The following MAGI2 variants were observed in gnomAD, a reference collection of about 807,000 sequenced individuals.
MAGI2 encodes membrane associated guanylate kinase, WW and PDZ domain containing 2, also known as membrane-associated guanylate kinase, WW and PDZ domain-containing protein 2.
Under a neutral mutation model 133.3 loss-of-function variants are expected in MAGI2, and 35 were observed. The ratio of observed to expected loss-of-function variants is 0.26; its 90% CI spans 0.20 to 0.35. The LOEUF (loss-of-function observed/expected upper bound fraction) is 0.35, where lower values mean the gene tolerates loss of function less well. MAGI2 is among the 10% of genes least tolerant of loss of function. The pLI is 1.00. For missense variants in MAGI2, 1,636 were observed against 1,863.4 expected (o/e 0.88, Z 2.25); for synonymous variants, 729 against 710.6 (o/e 1.03, Z -0.41).
Position 78,160,167 on chromosome 7 carries a change from G to T in MAGI2, c.2703C>A (p.Pro901=). Residue 901 remains proline, a synonymous_variant, in exon 16 of 22, where the codon CCC becomes CCA. Coordinates refer to ENST00000354212, the MANE Select transcript of MAGI2 (RefSeq NM_012301.4). ...CTTCAGGGGGAGAGGCATTGCTACT[G>T]GGGGCAGCGTGGTTGCTGTTGGTGT... ...ATYTNSNHAA[P]SSNASPPEGF... The T allele has an allele frequency of 6.2e-7, 1 of 1,612,956 alleles. No homozygotes were observed. Among genetic ancestry groups the T allele is most frequent in the Non-Finnish European group, 8.5e-7 (1 of 1,179,464 alleles).
chr7:79,009,342 C>T (rs1584661570), intron 1 of MAGI2, among the ~76,000 whole-genome samples: 1 of 151,750 alleles, frequency 6.6e-6, no homozygotes, highest in East Asian at 1.9e-4. Flanking sequence ...CATAGAAGAA[C>T]TGTCGAAACT....
At chr7:78,892,062 A>G (rs1464844956) in intron 2 of MAGI2, among the ~76,000 whole-genome samples, 5 of 152,198 alleles carry the variant, frequency 3.3e-5, no homozygotes, top group Non-Finnish European at 7.4e-5. Context: ...TGCAAAAATC[A>G]CAAGCATTCT....
At chr7:78,104,239 A>C (rs1489807011) in intron 20 of MAGI2, among the ~76,000 whole-genome samples, 1 of 152,130 alleles carries the variant, frequency 6.6e-6, no homozygotes, top group African/African-American at 2.4e-5. Flanking sequence ...GGGCTGTTCA[A>C]CAAGATGGAG....
At chr7:79,026,308 C>G (rs540368701) in intron 1 of MAGI2, among the ~76,000 whole-genome samples, 1 of 152,204 alleles carries the variant, frequency 6.6e-6, no homozygotes, top group African/African-American at 2.4e-5. Flanking sequence ...CAGTCTTAAG[C>G]AACTTTGGCT....
intron 1 of MAGI2, among the ~76,000 whole-genome samples, chr7:79,230,039 G>A (rs861057): frequency 0.013 from 1,841 of 146,336 alleles, 41 homozygotes; most frequent in African/African-American, 0.044. Flanking sequence ...GAGAATATGC[G>A]GTGTTTGGTT....
intron 21 of MAGI2, among the ~76,000 whole-genome samples, chr7:78,037,481 A>C (rs947861436): frequency 1.3e-5 from 2 of 152,226 alleles, no homozygotes; most frequent in African/African-American, 4.8e-5. Context: ...GAACAGTCCC[A>C]GAATTCCTTC....
chr7:79,386,011 C>T (rs962287400), intron 1 of MAGI2, among the ~76,000 whole-genome samples: 16 of 151,988 alleles, frequency 1.1e-4, no homozygotes, highest in African/African-American at 3.9e-4. Context: ...AGATATCCTT[C>T]TCTGGAAAAG....
At chr7:78,728,789 T>C (rs1171052670) in intron 2 of MAGI2, among the ~76,000 whole-genome samples, 1 of 125,906 alleles carries the variant, frequency 7.9e-6, no homozygotes, top group Non-Finnish European at 1.7e-5. Flanking sequence ...ATGGTCTCGA[T>C]CTCCTGACCT....
chr7:78,236,265 G>A lies in MAGI2; in HGVS notation c.2047+19678C>T, dbSNP rs570275198. Among the ~76,000 whole-genome samples, 120 of 152,162 alleles carry A rather than the reference G, an allele frequency of 7.9e-4. 1 individual carries two copies. The highest frequency in any genetic ancestry group is 2.6e-3 in the African/African-American group (110 of 41,518). On this transcript the variant is annotated intron_variant, in intron 10 of 21. Transcript: ENST00000354212. ...GATAGACAAATTAAACAAAGACTTGGTACATGACCAAAGAGAATCGAATGA... is the reference window on the plus strand; with the variant it reads ...GATAGACAAATTAAACAAAGACTTGATACATGACCAAAGAGAATCGAATGA...
chr7:78,710,332 A>G (rs186533), intron 2 of MAGI2, among the ~76,000 whole-genome samples: 103,316 of 152,032 alleles, frequency 0.68, 35,247 homozygotes, highest in East Asian at 0.84. Context: ...ATTGAGTCCA[A>G]GTACCCTGGG....
chr7:78,637,311 T>G (rs755563562), intron 2 of MAGI2, among the ~76,000 whole-genome samples: 1 of 152,242 alleles, frequency 6.6e-6, no homozygotes, highest in African/African-American at 2.4e-5. Context: ...CTTATAAATA[T>G]CTTTATTATT....
chr7:78,500,565 G>C (rs1039169948), intron 5 of MAGI2, among the ~76,000 whole-genome samples: 1 of 152,112 alleles, frequency 6.6e-6, no homozygotes, highest in Non-Finnish European at 1.5e-5. Flanking sequence ...GAAAAGAAAA[G>C]CCTGACATTA....
intron 9 of MAGI2, among the ~76,000 whole-genome samples, chr7:78,301,377 G>T (rs1405694884): frequency 6.6e-6 from 1 of 152,096 alleles, no homozygotes; most frequent in East Asian, 1.9e-4. Context: ...TGACACAAAC[G>T]CTCTTAAGAC....
At chr7:78,611,914 C>G (rs567261854) in intron 3 of MAGI2, among the ~76,000 whole-genome samples, 1 of 152,306 alleles carries the variant, frequency 6.6e-6, no homozygotes, top group East Asian at 1.9e-4. Context: ...CTGGACCACT[C>G]CAACTACCCC....
intron 1 of MAGI2, among the ~76,000 whole-genome samples, chr7:79,426,399 A>G (rs1179363479): frequency 6.6e-6 from 1 of 152,132 alleles, no homozygotes; most frequent in Non-Finnish European, 1.5e-5. Flanking sequence ...GCATACAGAC[A>G]TATAAAAAAT....
chr7:79,314,155 G>A (rs1288607169), intron 1 of MAGI2, among the ~76,000 whole-genome samples: 2 of 152,128 alleles, frequency 1.3e-5, no homozygotes, highest in African/African-American at 4.8e-5. Context: ...TATATTTTTA[G>A]TAGAGACGGG....
intron 15 of MAGI2, among the ~76,000 whole-genome samples, chr7:78,166,054 T>C (rs534831981): frequency 3.1e-4 from 47 of 152,316 alleles, no homozygotes; most frequent in Admixed American, 1.2e-3. Context: ...AAAAATTAAA[T>C]GCACTTGAAA....
intron 6 of MAGI2, among the ~76,000 whole-genome samples, chr7:78,410,066 C>T (rs565059991): frequency 2.0e-5 from 3 of 151,998 alleles, no homozygotes; most frequent in East Asian, 1.9e-4. Flanking sequence ...TGGTCTCAGT[C>T]CACGACCCCC....
intron 2 of MAGI2, among the ~76,000 whole-genome samples, chr7:78,981,743 G>A (rs1227714812): frequency 6.6e-6 from 1 of 151,840 alleles, no homozygotes; most frequent in Non-Finnish European, 1.5e-5. Flanking sequence ...TACAAATTGT[G>A]TATTTGTTTC....
Sources: allele counts gnomAD v4.1 joint callset (sites outside exome capture counted in the v4.1 genomes callset), GRCh38; gene constraint gnomAD v4.1.1; transcripts MANE v1.5; gene names NCBI Gene and HGNC (gene_info 2026-07-23, HGNC 2026-07-21).